ODF2L: variants seen among roughly 807,000 people sequenced by gnomAD.
ODF2L encodes protein BCAP.
ODF2L carries 76 observed loss-of-function variants against 86.3 expected under a neutral mutation model. That is an observed-to-expected ratio of 0.88 (90% confidence interval 0.73 to 1.07). The LOEUF is 1.07. Ranked by LOEUF, ODF2L falls within the 50% of genes least tolerant of loss-of-function variation. The probability of loss-of-function intolerance (pLI) is 0.00; values close to 1 mark genes in which losing one functional copy is unlikely to be tolerated. For missense variants in ODF2L, 748 were observed against 717.4 expected, an observed-to-expected ratio of 1.04 and a Z score of -0.49; for synonymous variants, 241 against 231.3, an observed-to-expected ratio of 1.04 and a Z score of -0.38.
exon 18 of ODF2L, chr1:86,350,464 T>C (rs919093703): frequency 3.3e-5 from 5 of 152,238 alleles, no homozygotes; most frequent in East Asian, 1.9e-4. Context: ...TAGTATTCCA[T>C]GGTGTATGTG....
intron 14 of ODF2L, 35 bp from the exon 14 acceptor site, chr1:86,354,894 C>T: frequency 8.5e-7 from 1 of 1,172,418 alleles, no homozygotes; most frequent in Non-Finnish European, 1.2e-6. Context: ...TAGTCATTTT[C>T]TTCACAATCA....
exon 18 of ODF2L, chr1:86,351,315 A>G (rs972063639): frequency 6.6e-5 from 10 of 152,180 alleles, no homozygotes; most frequent in Non-Finnish European, 1.2e-4. Context: ...GCATATGGCT[A>G]GCCAGTTTTC....
intron 1 of ODF2L, among the ~76,000 whole-genome samples, chr1:86,390,403 A>C (rs1392739103): frequency 6.6e-6 from 1 of 150,870 alleles, no homozygotes; most frequent in Non-Finnish European, 1.5e-5. Flanking sequence ...CTGGCAACAG[A>C]GTGAGACTCC....
chr1:86,387,118 C>T (rs1157135698), intron 1 of ODF2L, 32 bp from the exon 2 acceptor site: 3 of 582,618 alleles, frequency 5.1e-6, no homozygotes, highest in Admixed American at 3.7e-5. Context: ...AAATTTATTT[C>T]AATAGAGTTT....
At chr1:86,373,246 A>G (rs865791200) in intron 8 of ODF2L, among the ~76,000 whole-genome samples, 1 of 151,702 alleles carries the variant, frequency 6.6e-6, no homozygotes, top group Non-Finnish European at 1.5e-5. Context: ...TTTTTAAACA[A>G]TATTTCATAA....
At chr1:86,372,485 T>C in exon 9 of ODF2L, 1 of 1,526,898 alleles carries the variant, frequency 6.5e-7, no homozygotes, top group African/African-American at 1.4e-5. Context: ...CACAATTTTC[T>C]CATAATGACT....
chr1:86,373,831 C>A (rs973576055), intron 8 of ODF2L, among the ~76,000 whole-genome samples: 1 of 152,156 alleles, frequency 6.6e-6, no homozygotes, highest in Non-Finnish European at 1.5e-5. Context: ...CACAGAGATA[C>A]AAGTGGTAGT....
At position 86,352,927 on chromosome 1, in the gene ODF2L, A is replaced by T. The variant is rs139126408; in HGVS notation, c.1825T>A (p.Leu609Ile). The change falls in exon 17 of 18, where the codon TTA becomes ATA. Residue 609 changes from leucine to isoleucine, a missense_variant. By Grantham distance (5) the Leu-to-Ile change is conservative. Transcript: ENST00000317336. ...TTTCTAAGCTCAGTTTCCAGATCTA[A>T]TATTTTAATTTGTAAAGCACTCTCT... The T allele has an allele frequency of 1.2e-4, 179 of 1,546,240 alleles. No individual in the cohort carries two copies. Among genetic ancestry groups the T allele is most frequent in the East Asian group, 4.5e-4 (20 of 44,276 alleles).
rs1658774825 is a variant in ODF2L, at chr1:86,358,660, T to C, written c.1359+127A>G. The C allele has an allele frequency of 1.0e-5, 4 of 385,318 alleles. No individual in the cohort carries two copies. In the Admixed American group the frequency reaches 1.8e-4, roughly 18 times the overall value. 23.9% of individuals were successfully genotyped at this position (385,318 alleles called of 1,614,324 possible). On this transcript the variant is annotated intron_variant, in intron 13 of 17. Transcript: ENST00000317336. ...ATTATTTCCTTGGAAAACAAACTCTTACAGAGGCTAAGACTAGCCCTTTCC... is the reference window on the plus strand; with the variant it reads ...ATTATTTCCTTGGAAAACAAACTCTCACAGAGGCTAAGACTAGCCCTTTCC...
chr1:86,373,113 GAAAT>G (rs1469528381), intron 8 of ODF2L, among the ~76,000 whole-genome samples: 1 of 151,944 alleles, frequency 6.6e-6, no homozygotes, highest in Non-Finnish European at 1.5e-5. Context: ...AAAAACTATT[GAAAT>G]AAATAAAGTC....
chr1:86,360,614 T>C, intron 11 of ODF2L, 78 bp from the exon 11 acceptor site: 2 of 630,460 alleles, frequency 3.2e-6, no homozygotes, highest in South Asian at 2.3e-5. Flanking sequence ...TATAAAAACA[T>C]AACTCATGTA....
intron 8 of ODF2L, chr1:86,375,048 T>A (rs376812283): frequency 6.6e-6 from 1 of 152,100 alleles, no homozygotes; most frequent in African/African-American, 2.4e-5. Flanking sequence ...TAGTTTCAGA[T>A]TATAGTGAAT....
At chr1:86,349,476 T>C (rs1466259248), downstream of ODF2L, 7 of 152,190 alleles carry the variant, frequency 4.6e-5, no homozygotes, top group Non-Finnish European at 1.0e-4. Flanking sequence ...AATTAAAATA[T>C]AGACACCTAG....
intron 1 of ODF2L, among the ~76,000 whole-genome samples, chr1:86,391,020 C>T (rs1157759383): frequency 1.3e-5 from 2 of 152,166 alleles, no homozygotes; most frequent in Non-Finnish European, 2.9e-5. Context: ...AGTAGCAGTG[C>T]TATACACCAA....
chr1:86,352,328 G>C (rs895122452), intron 17 of ODF2L: 2 of 1,182,516 alleles, frequency 1.7e-6, no homozygotes, highest in Admixed American at 7.7e-5. Flanking sequence ...TGTTTCATGA[G>C]TATTCAGGAA....
In ODF2L at chr1:86,352,109, T is replaced by C. The variant is rs1570341063; in HGVS notation, c.*82A>G. ...AACTTTTGATGGCAATAAAATCAAA[T>C]TGTGCATGCCAAAAATCATTTAACT... On this transcript the variant is annotated 3_prime_UTR_variant, in exon 18 of 18. Transcript: ENST00000317336. 19 of 1,448,746 alleles carry C rather than the reference T, an allele frequency of 1.3e-5. No individual in the cohort carries two copies. In the East Asian group the frequency reaches 4.7e-4, roughly 36 times the overall value. The allele number at this position is 1,448,746 out of a possible 1,614,324, so 89.7% of individuals were successfully genotyped here. A position where few individuals can be genotyped will look rare whatever the true frequency, so the allele number is the denominator to read the frequency against.
chr1:86,387,616 T>C (rs1239906381), intron 1 of ODF2L, among the ~76,000 whole-genome samples: 2 of 152,170 alleles, frequency 1.3e-5, no homozygotes, highest in African/African-American at 4.8e-5. Context: ...TTATTGGTGA[T>C]AGTGAAAAGA....
intron 2 of ODF2L, chr1:86,386,679 C>T (rs113524619): frequency 2.0e-5 from 8 of 392,096 alleles, no homozygotes; most frequent in Non-Finnish European, 3.5e-5. Flanking sequence ...TGATCCATTG[C>T]GCCCGGCCAG....
At chr1:86,354,842 A>G in exon 15 of ODF2L, 2 of 1,600,018 alleles carry the variant, frequency 1.2e-6, no homozygotes, top group Non-Finnish European at 1.7e-6. Flanking sequence ...TTGTCAGAAG[A>G]TTGTGATTTC....
Sources: allele counts gnomAD v4.1 joint callset (sites outside exome capture counted in the v4.1 genomes callset), GRCh38; gene constraint gnomAD v4.1.1; transcripts MANE v1.5; gene names NCBI Gene and HGNC (gene_info 2026-07-23, HGNC 2026-07-21).